The following KLHL32 variants were observed in gnomAD, a reference collection of about 807,000 sequenced individuals.
KLHL32 encodes kelch-like protein 32.
KLHL32 carries 35 observed loss-of-function variants against 64.8 expected under a neutral mutation model. The ratio of observed to expected loss-of-function variants is 0.54; its 90% CI spans 0.41 to 0.72. The LOEUF (loss-of-function observed/expected upper bound fraction) is 0.72. Ranked by LOEUF, KLHL32 falls within the 30% of genes least tolerant of loss-of-function variation. The pLI is 0.00. For synonymous variants in KLHL32, 259 were observed against 281.0 expected, an observed-to-expected ratio of 0.92 and a Z score of 0.78; for missense variants, 589 against 768.5, an observed-to-expected ratio of 0.77 and a Z score of 2.76.
At chr6:96,983,497 A>C (rs1441640392) in intron 3 of KLHL32, among the ~76,000 whole-genome samples, 1 of 152,300 alleles carries the variant, frequency 6.6e-6, no homozygotes, top group African/African-American at 2.4e-5. Context: ...TCAGCTGTGA[A>C]TTCATCTGGT....
intron 4 of KLHL32, among the ~76,000 whole-genome samples, chr6:97,043,880 G>C (rs1737651): frequency 6.6e-6 from 1 of 151,844 alleles, no homozygotes; most frequent in African/African-American, 2.4e-5. Context: ...TCCTTTGCCA[G>C]CTTTTTGATT....
intron 4 of KLHL32, among the ~76,000 whole-genome samples, chr6:97,064,004 C>T (rs1789320634): frequency 6.6e-6 from 1 of 152,174 alleles, no homozygotes; most frequent in Admixed American, 6.5e-5. Flanking sequence ...GGAGGCATTA[C>T]CTCTATGTGA....
At chr6:97,003,732 A>G (rs1428024959) in intron 3 of KLHL32, among the ~76,000 whole-genome samples, 3 of 152,218 alleles carry the variant, frequency 2.0e-5, no homozygotes, top group African/African-American at 7.2e-5. Flanking sequence ...TACCAGCACC[A>G]TTGATTGAAT....
chr6:97,026,059 A>G (rs1782683336), intron 3 of KLHL32, among the ~76,000 whole-genome samples: 1 of 152,020 alleles, frequency 6.6e-6, no homozygotes, highest in African/African-American at 2.4e-5. Flanking sequence ...GTAATATGTA[A>G]AATATAATTA....
intron 3 of KLHL32, among the ~76,000 whole-genome samples, chr6:97,041,164 A>G (rs1215407805): frequency 6.6e-6 from 1 of 152,210 alleles, no homozygotes; most frequent in South Asian, 2.1e-4. Flanking sequence ...GCATTGCTGC[A>G]TATAACTTGG....
chr6:96,898,194 G>T, the KLHL32 span, among the ~76,000 whole-genome samples: 1 of 152,238 alleles, frequency 6.6e-6, no homozygotes, highest in Non-Finnish European at 1.5e-5. Flanking sequence ...CATTGGATAA[G>T]ACTCCACGTG....
At chr6:97,124,112 T>A (rs1205591784) in intron 7 of KLHL32, among the ~76,000 whole-genome samples, 1 of 152,168 alleles carries the variant, frequency 6.6e-6, no homozygotes, top group Non-Finnish European at 1.5e-5. Flanking sequence ...ATCTTAGTAT[T>A]GAGAGAAAAA....
chr6:97,068,850 C>G (rs1445075263), intron 5 of KLHL32, among the ~76,000 whole-genome samples: 3 of 152,124 alleles, frequency 2.0e-5, no homozygotes, highest in Non-Finnish European at 4.4e-5. Flanking sequence ...GCAAATTACT[C>G]TATGCTATTA....
chr6:97,135,299 A>AT (rs747635380), intron 10 of KLHL32, among the ~76,000 whole-genome samples: 3,469 of 109,538 alleles, frequency 0.032, 239 homozygotes, highest in African/African-American at 0.11. Flanking sequence ...AAATTTGTTA[A>AT]TTTTTTTTTT....
intron 4 of KLHL32, among the ~76,000 whole-genome samples, chr6:97,058,449 A>G (rs1209745264): frequency 6.6e-6 from 1 of 152,132 alleles, no homozygotes; most frequent in Non-Finnish European, 1.5e-5. Context: ...TCATATATAT[A>G]TGTGCTAAGT....
chr6:96,906,543 G>A, the KLHL32 span, among the ~76,000 whole-genome samples: 1 of 152,182 alleles, frequency 6.6e-6, no homozygotes, highest in Non-Finnish European at 1.5e-5. Flanking sequence ...GCTACATAAA[G>A]GATGTTTTAG....
At chr6:97,022,683 T>A (rs1224317290) in intron 3 of KLHL32, among the ~76,000 whole-genome samples, 1 of 152,036 alleles carries the variant, frequency 6.6e-6, no homozygotes, top group Non-Finnish European at 1.5e-5. Context: ...TTGGCCAGGC[T>A]GGTCTCGAAC....
At chr6:96,903,123 A>G in the KLHL32 span, among the ~76,000 whole-genome samples, 1 of 152,182 alleles carries the variant, frequency 6.6e-6, no homozygotes, top group African/African-American at 2.4e-5. Context: ...CAAACAACAA[A>G]AAAAAACAGT....
chr6:97,066,314 G>A (rs1245367545), intron 5 of KLHL32, among the ~76,000 whole-genome samples: 1 of 152,086 alleles, frequency 6.6e-6, no homozygotes, highest in Non-Finnish European at 1.5e-5. Flanking sequence ...GGGGTGTGTG[G>A]GTATACCTAA....
At chr6:97,115,203 G>C (rs1435593737) in intron 7 of KLHL32, among the ~76,000 whole-genome samples, 1 of 152,096 alleles carries the variant, frequency 6.6e-6, no homozygotes, top group Non-Finnish European at 1.5e-5. Flanking sequence ...TTTTGTCAAG[G>C]CAGGGTTTCA....
At position 96,976,165 on chromosome 6, in the gene KLHL32, T is replaced by C. The variant is rs745536646; in HGVS notation, c.192T>C (p.Ser64=). 3.3e-5 allele frequency: 51 copies of C among 1,563,674 alleles called. No homozygotes were observed. The highest frequency in any genetic ancestry group is 4.4e-5 in the Non-Finnish European group (51 of 1,149,052). The change falls in exon 3 of 11, where the codon AGT becomes AGC. Residue 64 remains serine, a synonymous_variant. Transcript: ENST00000369261. ...ACAAGGCAGTCCTAGCAGCATGCAG[T>C]GACTATTTCCGGGTAAGTCAGCATT... The part of the protein sequence containing the change: ...HAHKAVLAAC[S]DYFRAMFSLC...
chr6:96,931,367 C>T (rs985398399), intron 1 of KLHL32, among the ~76,000 whole-genome samples: 1 of 152,130 alleles, frequency 6.6e-6, no homozygotes, highest in African/African-American at 2.4e-5. Flanking sequence ...GGCTCATGGG[C>T]TTAAGAAGAA....
intron 3 of KLHL32, among the ~76,000 whole-genome samples, chr6:96,979,716 T>C (rs1180519664): frequency 1.3e-5 from 2 of 152,234 alleles, no homozygotes; most frequent in South Asian, 4.1e-4. Flanking sequence ...GGTAGTTTGA[T>C]AGGAATAACA....
intron 5 of KLHL32, among the ~76,000 whole-genome samples, chr6:97,082,771 T>C (rs749198702): frequency 2.6e-5 from 4 of 152,138 alleles, no homozygotes; most frequent in Non-Finnish European, 5.9e-5. Context: ...GGGTCAGTCA[T>C]ATAGATGTGG....
Sources: allele counts gnomAD v4.1 joint callset (sites outside exome capture counted in the v4.1 genomes callset), GRCh38; gene constraint gnomAD v4.1.1; transcripts MANE v1.5; gene names NCBI Gene and HGNC (gene_info 2026-07-23, HGNC 2026-07-21).